The following NAV3 variants were observed in gnomAD, a reference collection of about 807,000 sequenced individuals.
NAV3 encodes the protein neuron navigator 3, also known as pore membrane and/or filament interacting like protein 1.
Under a neutral mutation model 244.7 loss-of-function variants are expected in NAV3, and 87 were observed. The observed-to-expected ratio is 0.36, with a 90% CI of 0.30 to 0.42. NAV3 has a LOEUF of 0.42. NAV3 is among the 20% of genes least tolerant of loss of function. The probability of loss-of-function intolerance (pLI) is 1.00; values close to 1 mark genes in which losing one functional copy is unlikely to be tolerated. For synonymous variants in NAV3, 1,126 were observed against 1,042.2 expected (o/e 1.08, Z -1.55); for missense variants, 2,663 against 2,893.3 (o/e 0.92, Z 1.83).
chr12:78,168,511 A>G (rs1455572929), intron 23 of NAV3, among the ~76,000 whole-genome samples: 3 of 151,884 alleles, frequency 2.0e-5, no homozygotes, highest in Middle Eastern at 3.4e-3. Context: ...AAAGGAATAA[A>G]GACTATTCAT....
intron 5 of NAV3, among the ~76,000 whole-genome samples, chr12:77,991,194 T>A (rs1450265150): frequency 2.0e-5 from 3 of 151,882 alleles, no homozygotes; most frequent in Non-Finnish European, 4.4e-5. Flanking sequence ...TCTGGCTAAT[T>A]TTTGTATTTT....
chr12:78,159,996 C>T (rs1957459831), intron 23 of NAV3, among the ~76,000 whole-genome samples: 1 of 152,098 alleles, frequency 6.6e-6, no homozygotes, highest in African/African-American at 2.4e-5. Flanking sequence ...CTAAGACACA[C>T]AGGAAGGATG....
At chr12:77,973,679 A>G (rs1893201148) in intron 5 of NAV3, among the ~76,000 whole-genome samples, 1 of 151,998 alleles carries the variant, frequency 6.6e-6, no homozygotes, top group African/African-American at 2.4e-5. Context: ...CTTCTGGGAG[A>G]TTCACTCTGA....
At chr12:77,849,321 C>A (rs974732818) in intron 1 of NAV3, among the ~76,000 whole-genome samples, 1 of 152,006 alleles carries the variant, frequency 6.6e-6, no homozygotes, top group African/African-American at 2.4e-5. Context: ...ATGTCTATAT[C>A]GCAAAAAGAG....
chr12:77,861,983 G>A (rs187519104), intron 1 of NAV3, among the ~76,000 whole-genome samples: 7 of 151,490 alleles, frequency 4.6e-5, no homozygotes, highest in African/African-American at 9.7e-5. Flanking sequence ...AAATACTATC[G>A]AAAGTCAAGA....
rs988511011 is a variant in NAV3 at position 78,175,639 on chromosome 12, C to T, written c.5103+212C>T. Among the ~76,000 whole-genome samples, 4 of 152,042 alleles carry T rather than the reference C, an allele frequency of 2.6e-5. No individual in the cohort carries two copies. The East Asian group carries it at 5.8e-4, about 22-fold the overall frequency. On this transcript the variant is annotated intron_variant, in intron 25 of 39. Coordinates refer to ENST00000397909, the MANE Select transcript of NAV3 (RefSeq NM_001024383.2). The stretch of plus-strand genomic sequence containing the variant: ...GGGACTAAACTTGGGTTTGAATCAC[C>T]ACTATATCTAGACCTTTTGAGGGGC...
chr12:77,627,657 T>G (rs1395370739), intron 2 of NAV3, among the ~76,000 whole-genome samples: 1 of 152,042 alleles, frequency 6.6e-6, no homozygotes, highest in East Asian at 1.9e-4. Context: ...TAAAATATGA[T>G]CCAGCAATTC....
At chr12:77,898,357 T>A (rs182974800) in intron 1 of NAV3, among the ~76,000 whole-genome samples, 1 of 152,304 alleles carries the variant, frequency 6.6e-6, no homozygotes, top group Admixed American at 6.5e-5. Flanking sequence ...GATCCTACTA[T>A]ATTTACAATA....
intron 12 of NAV3, among the ~76,000 whole-genome samples, chr12:78,079,193 G>T (rs75934370): frequency 6.6e-6 from 1 of 152,120 alleles, no homozygotes; most frequent in South Asian, 2.1e-4. Flanking sequence ...TACATCCTGC[G>T]CAAGGATGGG....
intron 34 of NAV3, among the ~76,000 whole-genome samples, chr12:78,196,662 T>C (rs550873488): frequency 1.3e-5 from 2 of 152,124 alleles, no homozygotes; most frequent in East Asian, 1.9e-4. Context: ...ATTTTGTCTT[T>C]GTTTAAAATT....
chr12:78,171,585 G>A (rs1248036681), intron 24 of NAV3, among the ~76,000 whole-genome samples: 1 of 151,524 alleles, frequency 6.6e-6, no homozygotes, highest in South Asian at 2.1e-4. Flanking sequence ...TAGTTAGATT[G>A]TATTTCTGTA....
At chr12:78,179,237 T>C (rs1000392975) in intron 28 of NAV3, among the ~76,000 whole-genome samples, 1 of 152,122 alleles carries the variant, frequency 6.6e-6, no homozygotes, top group Non-Finnish European at 1.5e-5. Flanking sequence ...TTTCTGCCTA[T>C]AAATATCACC....
intron 1 of NAV3, among the ~76,000 whole-genome samples, chr12:77,851,570 A>G (rs934185420): frequency 7.9e-5 from 12 of 152,172 alleles, no homozygotes; most frequent in African/African-American, 2.9e-4. Flanking sequence ...TATTTGTTAC[A>G]GACTGAATTC....
intron 3 of NAV3, among the ~76,000 whole-genome samples, chr12:77,960,150 A>C (rs1331982522): frequency 6.6e-6 from 1 of 151,998 alleles, no homozygotes; most frequent in African/African-American, 2.4e-5. Context: ...GAGTTCATGT[A>C]TATCAGAGGA....
intron 2 of NAV3, among the ~76,000 whole-genome samples, chr12:77,732,860 A>C (rs536308200): frequency 2.0e-5 from 3 of 152,156 alleles, no homozygotes; most frequent in South Asian, 4.1e-4. Flanking sequence ...AAGCAGAGGA[A>C]TTGAGAGTAG....
intron 5 of NAV3, among the ~76,000 whole-genome samples, chr12:77,985,624 A>G (rs1317345627): frequency 6.6e-6 from 1 of 151,890 alleles, no homozygotes; most frequent in Admixed American, 6.6e-5. Flanking sequence ...TTCATACACT[A>G]CACGAGCGAT....
intron 1 of NAV3, among the ~76,000 whole-genome samples, chr12:77,843,459 T>G (rs1876064012): frequency 6.6e-6 from 1 of 151,904 alleles, no homozygotes; most frequent in South Asian, 2.1e-4. Context: ...AAAATATACT[T>G]AGAAAAACAG....
chr12:77,761,717 C>A (rs971490963), intron 2 of NAV3, among the ~76,000 whole-genome samples: 1 of 152,110 alleles, frequency 6.6e-6, no homozygotes, highest in African/African-American at 2.4e-5. Context: ...CAAATCAAAA[C>A]CACAAGGAGA....
chr12:78,133,608 A>G (rs968309882), intron 18 of NAV3, among the ~76,000 whole-genome samples: 2 of 151,930 alleles, frequency 1.3e-5, no homozygotes, highest in African/African-American at 2.4e-5. Context: ...ACTATAAAAA[A>G]TCACAACATA....
Sources: allele counts gnomAD v4.1 joint callset (sites outside exome capture counted in the v4.1 genomes callset), GRCh38; gene constraint gnomAD v4.1.1; transcripts MANE v1.5; gene names NCBI Gene and HGNC (gene_info 2026-07-23, HGNC 2026-07-21).